The following SEC14L1 variants were observed in gnomAD, a reference collection of about 807,000 sequenced individuals.
SEC14L1 encodes the protein SEC14 like lipid binding 1.
In SEC14L1, 48 loss-of-function variants were observed where a neutral mutation model predicts 85.3. The ratio of observed to expected loss-of-function variants is 0.56; its 90% CI spans 0.45 to 0.72. SEC14L1 has a LOEUF of 0.72. Ranked by LOEUF, SEC14L1 falls within the 30% of genes least tolerant of loss-of-function variation. The pLI is 0.00. For synonymous variants in SEC14L1, 391 were observed against 355.5 expected (o/e 1.10, Z -1.12); for missense variants, 682 against 921.4 (o/e 0.74, Z 3.36).
chr17:77,214,598 GAC>G lies in SEC14L1; in HGVS notation c.*580_*581del. On this transcript the variant is annotated 3_prime_UTR_variant, in exon 17 of 17. Transcript: ENST00000436233. The stretch of plus-strand genomic sequence containing the variant: ...TGCGGAGTACCTTGTCCCAGGGCCA[GAC>G]ACACCCACACCACCCACTGTCCTGC... The G allele has an allele frequency of 1.0e-6, 1 of 987,534 alleles. No individual in the cohort carries two copies. The allele number at this position is 987,534 out of a possible 1,614,324, so 61.2% of individuals were successfully genotyped here.
chr17:77,109,073 T>C (rs1971990571), intron 3 of SEC14L1, among the ~76,000 whole-genome samples: 1 of 151,916 alleles, frequency 6.6e-6, no homozygotes, highest in Non-Finnish European at 1.5e-5. Context: ...CATCCTGCCT[T>C]GGCCTCCCAA....
intron 3 of SEC14L1, among the ~76,000 whole-genome samples, chr17:77,175,398 C>T (rs191281626): frequency 5.1e-4 from 77 of 152,260 alleles, no homozygotes; most frequent in African/African-American, 1.4e-3. Flanking sequence ...CTTATAGTGG[C>T]GTGAAAGCAG....
intron 3 of SEC14L1, among the ~76,000 whole-genome samples, chr17:77,131,281 T>C (rs925643604): frequency 7.2e-5 from 11 of 152,220 alleles, no homozygotes; most frequent in Admixed American, 3.3e-4. Context: ...GGATCTCTCT[T>C]TTTTTGAGAT....
At chr17:77,088,913 G>T in exon 1 of SEC14L1, 1 of 159,154 alleles carries the variant, frequency 6.3e-6, no homozygotes, top group Non-Finnish European at 1.4e-5. Flanking sequence ...CCCCTCCACG[G>T]CGCCCGGGAT....
At chr17:77,150,729 A>G (rs1973517514) in intron 3 of SEC14L1, among the ~76,000 whole-genome samples, 3 of 152,146 alleles carry the variant, frequency 2.0e-5, no homozygotes, top group Non-Finnish European at 4.4e-5. Context: ...TTGGTTGGGC[A>G]GGGGGCACAG....
chr17:77,112,893 T>G lies in SEC14L1; in HGVS notation c.-136+19546T>G, dbSNP rs113207191. Among the ~76,000 whole-genome samples the G allele has an allele frequency of 9.8e-4, 147 of 150,088 alleles. 1 individual carries two copies. The highest frequency in any genetic ancestry group is 1.7e-3 in the Non-Finnish European group (115 of 67,656). On this transcript the variant is annotated intron_variant, in intron 3 of 19. Transcript: ENST00000392476. ...AAAAAAAAAAAAGAGTACTTAGGCATAATGGGTCATGCCTGTACTTCTAGC... is the reference window on the plus strand; with the variant it reads ...AAAAAAAAAAAAGAGTACTTAGGCAGAATGGGTCATGCCTGTACTTCTAGC...
chr17:77,150,899 A>G (rs775473661), intron 3 of SEC14L1, among the ~76,000 whole-genome samples: 13 of 152,198 alleles, frequency 8.5e-5, no homozygotes, highest in Non-Finnish European at 1.8e-4. Flanking sequence ...TCAGATTTTC[A>G]GCATTGTTTT....
chr17:77,105,621 A>G (rs1237917953), intron 3 of SEC14L1, among the ~76,000 whole-genome samples: 2 of 152,142 alleles, frequency 1.3e-5, no homozygotes, highest in African/African-American at 4.8e-5. Context: ...TCATGGTTGG[A>G]GGCCTGCAAA....
chr17:77,134,330 G>C (rs950698699), intron 3 of SEC14L1, among the ~76,000 whole-genome samples: 1 of 151,460 alleles, frequency 6.6e-6, no homozygotes, highest in African/African-American at 2.4e-5. Context: ...GCTCACTGCA[G>C]CCTCAACCTC....
chr17:77,158,798 C>CTTTT (rs34186028), intron 3 of SEC14L1, among the ~76,000 whole-genome samples: 1,346 of 39,234 alleles, frequency 0.034, 435 homozygotes, highest in Middle Eastern at 0.038. Context: ...GCTTTCTTTC[C>CTTTT]TTTTTTTTTT....
chr17:77,151,874 G>C (rs1324602258), intron 3 of SEC14L1, among the ~76,000 whole-genome samples: 3 of 152,168 alleles, frequency 2.0e-5, no homozygotes, highest in Non-Finnish European at 4.4e-5. Context: ...ATTTTTATCA[G>C]TTGTACCCAC....
At chr17:77,120,389 C>CGTCGCTGTGT (rs1347003074) in intron 3 of SEC14L1, among the ~76,000 whole-genome samples, 1 of 152,024 alleles carries the variant, frequency 6.6e-6, no homozygotes, top group Non-Finnish European at 1.5e-5. Flanking sequence ...AGGTCTAGAA[C>CGTCGCTGTGT]GTCGCTGTGT....
At chr17:77,185,128 A>G (rs970469308) in intron 3 of SEC14L1, 11 of 749,836 alleles carry the variant, frequency 1.5e-5, no homozygotes, top group Non-Finnish European at 1.8e-5. Context: ...ATGCTTCAAA[A>G]CATGTTTTTT....
chr17:77,093,141 G>A (rs1318334769), intron 2 of SEC14L1: 1 of 152,236 alleles, frequency 6.6e-6, no homozygotes, highest in Non-Finnish European at 1.5e-5. Flanking sequence ...CTAGGTGGAA[G>A]GTGGATTTTA....
At chr17:77,102,124 A>G (rs1328880217) in intron 3 of SEC14L1, among the ~76,000 whole-genome samples, 2 of 152,256 alleles carry the variant, frequency 1.3e-5, no homozygotes, top group East Asian at 1.9e-4. Context: ...AAACAATTTT[A>G]TGATTGAATA....
At chr17:77,133,231 A>G (rs1220271342) in intron 3 of SEC14L1, among the ~76,000 whole-genome samples, 1 of 151,820 alleles carries the variant, frequency 6.6e-6, no homozygotes, top group African/African-American at 2.4e-5. Context: ...GAAGAGGTTG[A>G]GCTCTGGAGG....
intron 3 of SEC14L1, among the ~76,000 whole-genome samples, chr17:77,181,400 G>A (rs1196736761): frequency 6.6e-6 from 1 of 152,156 alleles, no homozygotes; most frequent in African/African-American, 2.4e-5. Context: ...TTCTATTGCT[G>A]TATATAGTTA....
intron 3 of SEC14L1, chr17:77,180,888 T>C (rs1436007665): frequency 6.6e-6 from 1 of 152,192 alleles, no homozygotes; most frequent in Non-Finnish European, 1.5e-5. Context: ...ATTTGAAACC[T>C]CGGTTTACCA....
At chr17:77,135,563 C>T (rs2143465079) in intron 3 of SEC14L1, among the ~76,000 whole-genome samples, 1 of 152,120 alleles carries the variant, frequency 6.6e-6, no homozygotes, top group Non-Finnish European at 1.5e-5. Context: ...GTTGCTCTGT[C>T]TCTCAGGCTA....
Sources: gnomAD v4.1 joint callset for allele counts (sites outside exome capture counted in the v4.1 genomes callset) on GRCh38, gnomAD v4.1.1 for gene constraint, MANE v1.5 for transcripts, NCBI Gene and HGNC (gene_info 2026-07-23, HGNC 2026-07-21) for gene names.